Variants in GRAMD2B observed in about 807,000 individuals in gnomAD.
GRAMD2B encodes the protein GRAM domain containing 2B.
GRAMD2B carries 41 observed loss-of-function variants against 59.2 expected under a neutral mutation model. The ratio of observed to expected loss-of-function variants is 0.69; its 90% CI spans 0.54 to 0.90. The LOEUF (loss-of-function observed/expected upper bound fraction) is 0.90. Ranked by LOEUF, GRAMD2B falls within the 40% of genes least tolerant of loss-of-function variation. GRAMD2B has a pLI of 0.00. For missense variants in GRAMD2B, 424 were observed against 500.5 expected (o/e 0.85, Z 1.46); for synonymous variants, 161 against 182.7 (o/e 0.88, Z 0.96).
chr5:126,469,790 T>A lies in GRAMD2B; in HGVS notation c.315+2T>A. 1 of 1,602,242 alleles carries A rather than the reference T, an allele frequency of 6.2e-7. No individual in the cohort carries two copies. Among genetic ancestry groups the A allele is most frequent in the South Asian group, 1.1e-5 (1 of 90,536 alleles). ...AAAAAGTCTTCATCTTCCAGCCAGGTAATTTGAGAATGGAATTTGTATTGT... is the reference window on the plus strand; with the variant it reads ...AAAAAGTCTTCATCTTCCAGCCAGGAAATTTGAGAATGGAATTTGTATTGT... On this transcript the variant is annotated splice_donor_variant, in intron 3 of 13. Transcript: ENST00000285689. LOFTEE classifies it high-confidence loss of function.
upstream of GRAMD2B, chr5:126,423,120 C>T (rs1306800017): frequency 1.7e-5 from 17 of 984,572 alleles, no homozygotes; most frequent in African/African-American, 2.8e-4. Context: ...GACAGGGCGT[C>T]CCACTCAGAC....
At chr5:126,400,784 G>A (rs561623890) in intron 1 of GRAMD2B, among the ~76,000 whole-genome samples, 27 of 152,024 alleles carry the variant, frequency 1.8e-4, no homozygotes, top group Admixed American at 4.6e-4. Flanking sequence ...ACTCTCTCCT[G>A]GCATGCTAGT....
intron 1 of GRAMD2B, among the ~76,000 whole-genome samples, chr5:126,415,289 G>T (rs1324281067): frequency 6.6e-6 from 1 of 152,198 alleles, no homozygotes; most frequent in East Asian, 1.9e-4. Flanking sequence ...ACCTGGCACT[G>T]TATCTGGTTG....
At chr5:126,436,259 A>C (rs188750014) in intron 1 of GRAMD2B, among the ~76,000 whole-genome samples, 1 of 152,210 alleles carries the variant, frequency 6.6e-6, no homozygotes, top group Admixed American at 6.5e-5. Context: ...TATTTACATA[A>C]TAATTGAATT....
intron 1 of GRAMD2B, 26 bp from the exon 2 acceptor site, chr5:126,465,400 G>T: frequency 6.2e-7 from 1 of 1,613,884 alleles, no homozygotes; most frequent in African/African-American, 1.3e-5. Flanking sequence ...AATGTCTAAA[G>T]TGAAGCGGTT....
At position 126,415,848 on chromosome 5, in the gene GRAMD2B, G is replaced by A. The variant is rs973764762; in HGVS notation, c.125+44281G>A. Among the ~76,000 whole-genome samples, 11 of 152,042 alleles carry A rather than the reference G, an allele frequency of 7.2e-5. No homozygotes were observed. The East Asian group carries it at 1.2e-3, about 16-fold the overall frequency. On this transcript the variant is annotated intron_variant, in intron 1 of 8. Coordinates refer to the GRAMD2B transcript ENST00000506445. Reference sequence around the variant, plus strand: ...AAAAAGAAAATATATTTAAAAAGACGAAAAGTCAGAATAAGCAATAAAAAG... The same window carrying A: ...AAAAAGAAAATATATTTAAAAAGACAAAAAGTCAGAATAAGCAATAAAAAG...
intron 1 of GRAMD2B, among the ~76,000 whole-genome samples, chr5:126,391,645 C>G (rs1756796813): frequency 6.6e-6 from 1 of 152,072 alleles, no homozygotes; most frequent in Non-Finnish European, 1.5e-5. Context: ...TGCCACAACA[C>G]AAATGAAAGA....
chr5:126,410,205 GT>G (rs1266057908), intron 1 of GRAMD2B, among the ~76,000 whole-genome samples: 1 of 152,010 alleles, frequency 6.6e-6, no homozygotes, highest in Non-Finnish European at 1.5e-5. Context: ...CTTTAAAGTA[GT>G]TTTTTCCAAT....
Position 126,423,589 on chromosome 5 carries a change from C to T in GRAMD2B, c.-18C>T. On this transcript the variant is annotated 5_prime_UTR_variant, in exon 1 of 14. Transcript: ENST00000285689. ...CAGGCGCGCGGAAGTCTGAAGGTGCCCTCCAGACACGGCCCCGATGACTGA... is the reference window on the plus strand; with the variant it reads ...CAGGCGCGCGGAAGTCTGAAGGTGCTCTCCAGACACGGCCCCGATGACTGA... The T allele has an allele frequency of 6.2e-7, 1 of 1,608,594 alleles. No individual in the cohort carries two copies. The highest frequency in any genetic ancestry group is 8.5e-7 in the Non-Finnish European group (1 of 1,177,970).
intron 3 of GRAMD2B, among the ~76,000 whole-genome samples, chr5:126,470,006 GA>G (rs1769246675): frequency 6.6e-6 from 1 of 152,198 alleles, no homozygotes; most frequent in Non-Finnish European, 1.5e-5. Flanking sequence ...GCATGGTAGT[GA>G]GTTCCATGCT....
rs1771716504 is a variant in GRAMD2B, at chr5:126,481,207, GAAA to G, written c.735+501_735+503del. ...AATTAACTGTAAAAAAAAAAAAAAA[GAAA>G]GAAAGAAAGAAAGAAAGAAAGAAAG... On this transcript the variant is annotated intron_variant, in intron 8 of 13. Coordinates refer to ENST00000285689, the MANE Select transcript of GRAMD2B (RefSeq NM_023927.4). Among the ~76,000 whole-genome samples, 2 of 2,864 alleles carry G rather than the reference GAAA, an allele frequency of 7.0e-4. 1 individual carries two copies. Among genetic ancestry groups the G allele is most frequent in the Non-Finnish European group, 1.4e-3 (2 of 1,396 alleles). 1.9% of individuals were successfully genotyped at this position (2,864 alleles called of 152,430 possible).
intron 1 of GRAMD2B, among the ~76,000 whole-genome samples, chr5:126,447,455 G>T (rs1383141612): frequency 6.6e-6 from 1 of 152,164 alleles, no homozygotes; most frequent in Non-Finnish European, 1.5e-5. Context: ...GAGGTCAGAA[G>T]ATTGAGACCA....
chr5:126,376,842 A>G (rs1755229550), intron 1 of GRAMD2B, among the ~76,000 whole-genome samples: 4 of 152,156 alleles, frequency 2.6e-5, no homozygotes, highest in Admixed American at 2.6e-4. Context: ...AGGAGGACCT[A>G]TGAACTCTGC....
At position 126,407,036 on chromosome 5, in the gene GRAMD2B, G is replaced by C. The variant is rs962671468; in HGVS notation, c.125+35469G>C. Reference sequence around the variant, plus strand: ...TGACATCAATGGAGCAGAAGCTTGAGTGTTTTTCAAGTAATTGTGATAATT... The same window carrying C: ...TGACATCAATGGAGCAGAAGCTTGACTGTTTTTCAAGTAATTGTGATAATT... On this transcript the variant is annotated intron_variant, in intron 1 of 8. Transcript: ENST00000506445. Among the ~76,000 whole-genome samples, 9 of 152,022 alleles carry C rather than the reference G, an allele frequency of 5.9e-5. No individual in the cohort carries two copies. In the South Asian group the frequency reaches 1.0e-3, roughly 17 times the overall value.
chr5:126,468,117 A>C (rs893535517), intron 2 of GRAMD2B, among the ~76,000 whole-genome samples: 2 of 152,230 alleles, frequency 1.3e-5, no homozygotes, highest in African/African-American at 4.8e-5. Context: ...CTTCATAATC[A>C]TAAAACTTAT....
chr5:126,464,080 C>G (rs1767871481), intron 1 of GRAMD2B, among the ~76,000 whole-genome samples: 1 of 152,044 alleles, frequency 6.6e-6, no homozygotes, highest in Non-Finnish European at 1.5e-5. Context: ...AGTTAGATAC[C>G]CTTGTCAGAT....
intron 3 of GRAMD2B, among the ~76,000 whole-genome samples, chr5:126,471,661 G>A (rs1241884133): frequency 6.6e-6 from 1 of 152,144 alleles, no homozygotes; most frequent in East Asian, 1.9e-4. Context: ...TGTTGCCTTA[G>A]ACTATAGGTC....
chr5:126,473,247 C>T lies in GRAMD2B; in HGVS notation c.383-18C>T, dbSNP rs182482812. On this transcript the variant is annotated intron_variant, in intron 4 of 13. Transcript: ENST00000285689. ...GTGGAAATTCTAAATGATGCTGTGC[C>T]TGTGTATATTTTCCCAGGCTTTACC... 3 of 919,434 alleles carry T rather than the reference C, an allele frequency of 3.3e-6. No homozygotes were observed. Among genetic ancestry groups the T allele is most frequent in the Non-Finnish European group, 4.8e-6 (3 of 624,338 alleles). The allele number at this position is 919,434 out of a possible 1,614,324, so 57.0% of individuals were successfully genotyped here.
At chr5:126,391,626 A>G (rs534837364) in intron 1 of GRAMD2B, among the ~76,000 whole-genome samples, 1 of 152,316 alleles carries the variant, frequency 6.6e-6, no homozygotes, top group Middle Eastern at 3.4e-3. Context: ...GGAATGAAGT[A>G]CTATTATATG....
Sources: gnomAD v4.1 joint callset for allele counts (sites outside exome capture counted in the v4.1 genomes callset) on GRCh38, gnomAD v4.1.1 for gene constraint, MANE v1.5 for transcripts, NCBI Gene and HGNC (gene_info 2026-07-23, HGNC 2026-07-21) for gene names.